The following IMMP2L variants were observed in gnomAD, a reference collection of about 807,000 sequenced individuals.
IMMP2L encodes inner mitochondrial membrane peptidase subunit 2.
IMMP2L carries 18 observed loss-of-function variants against 19.3 expected under a neutral mutation model. The observed-to-expected ratio is 0.93, with a 90% confidence interval of 0.64 to 1.38. The LOEUF is 1.38. IMMP2L is among the 40% of genes most tolerant of loss of function. The pLI is 0.00. For synonymous variants in IMMP2L, 76 were observed against 73.0 expected, an observed-to-expected ratio of 1.04 and a Z score of -0.21; for missense variants, 233 against 218.2, an observed-to-expected ratio of 1.07 and a Z score of -0.43.
At chr7:110,959,134 C>A (rs1319453167) in intron 4 of IMMP2L, among the ~76,000 whole-genome samples, 1 of 151,948 alleles carries the variant, frequency 6.6e-6, no homozygotes, top group Admixed American at 6.6e-5. Flanking sequence ...ACTACTGAAA[C>A]CTACAGTAAG....
At chr7:111,397,390 C>A (rs1832985587) in intron 3 of IMMP2L, among the ~76,000 whole-genome samples, 1 of 152,114 alleles carries the variant, frequency 6.6e-6, no homozygotes, top group African/African-American at 2.4e-5. Context: ...TGGACAGTTA[C>A]TACCATAATA....
intron 3 of IMMP2L, among the ~76,000 whole-genome samples, chr7:111,150,608 T>C (rs578117757): frequency 1.3e-4 from 20 of 152,290 alleles, no homozygotes; most frequent in African/African-American, 4.6e-4. Flanking sequence ...GAAGTGTGTT[T>C]TGTCCTTTGT....
At chr7:111,371,836 AAAAC>A (rs1384096757) in intron 3 of IMMP2L, among the ~76,000 whole-genome samples, 1 of 152,116 alleles carries the variant, frequency 6.6e-6, no homozygotes, top group African/African-American at 2.4e-5. Context: ...GAAGCAAAAC[AAAAC>A]AAACATACAA....
At chr7:111,017,183 T>C (rs1825793485) in intron 3 of IMMP2L, among the ~76,000 whole-genome samples, 1 of 150,672 alleles carries the variant, frequency 6.6e-6, no homozygotes, top group Non-Finnish European at 1.5e-5. Context: ...TCCTCCTGCC[T>C]CAGCTGCCTG....
chr7:110,825,278 T>C (rs1429960355), intron 5 of IMMP2L, among the ~76,000 whole-genome samples: 1 of 152,224 alleles, frequency 6.6e-6, no homozygotes, highest in East Asian at 1.9e-4. Flanking sequence ...AATTTATAGA[T>C]TCCATGCCAT....
intron 1 of IMMP2L, among the ~76,000 whole-genome samples, chr7:111,539,195 GGA>G (rs879323361): frequency 0.3 from 6,820 of 22,506 alleles, 1,078 homozygotes; most frequent in Admixed American, 0.34. Context: ...AAGGAAGGAG[GGA>G]GAAAGAAAGA....
At chr7:110,686,589 G>A (rs1009218068) in intron 5 of IMMP2L, among the ~76,000 whole-genome samples, 4 of 151,852 alleles carry the variant, frequency 2.6e-5, no homozygotes, top group Non-Finnish European at 1.5e-5. Flanking sequence ...CTGGTGTCTC[G>A]ATTTTGGGAT....
intron 5 of IMMP2L, among the ~76,000 whole-genome samples, chr7:110,853,438 C>T (rs765573454): frequency 2.0e-5 from 3 of 151,932 alleles, no homozygotes; most frequent in Non-Finnish European, 4.4e-5. Flanking sequence ...GCACTGAGCG[C>T]GTATGTCGTG....
At chr7:111,469,916 C>G (rs1469859617) in intron 3 of IMMP2L, among the ~76,000 whole-genome samples, 1 of 152,072 alleles carries the variant, frequency 6.6e-6, no homozygotes. Flanking sequence ...GCAAAAGAAA[C>G]TACCATCAGA....
rs1431256994 is a variant in IMMP2L, at chr7:111,065,685, G to A, written c.240-102120C>T. On this transcript the variant is annotated intron_variant, in intron 3 of 5. Coordinates refer to ENST00000405709, the MANE Select transcript of IMMP2L (RefSeq NM_032549.4). ...CCAGCCTACATCTTTCTCCTGTGCT[G>A]GATGCTTCCTGTTCTCGAACATCGG... Among the ~76,000 whole-genome samples, 8 of 152,148 alleles carry A rather than the reference G, an allele frequency of 5.3e-5. 1 individual carries two copies. The highest frequency in any genetic ancestry group is 3.9e-4 in the Admixed American group (6 of 15,280).
intron 5 of IMMP2L, among the ~76,000 whole-genome samples, chr7:110,874,323 T>C (rs1328433969): frequency 1.3e-5 from 2 of 152,040 alleles, no homozygotes; most frequent in African/African-American, 4.8e-5. Flanking sequence ...TATACACAAG[T>C]ATATCCTACT....
At chr7:110,726,815 T>G (rs566120327) in intron 5 of IMMP2L, among the ~76,000 whole-genome samples, 14 of 152,292 alleles carry the variant, frequency 9.2e-5, no homozygotes, top group African/African-American at 3.1e-4. Flanking sequence ...AAGAGAAATT[T>G]GCTGAGTGGG....
intron 3 of IMMP2L, among the ~76,000 whole-genome samples, chr7:111,088,482 G>A (rs1796544661): frequency 6.6e-6 from 1 of 151,944 alleles, no homozygotes; most frequent in African/African-American, 2.4e-5. Flanking sequence ...AGGAGGGAGA[G>A]TAAGAAGAAG....
intron 3 of IMMP2L, among the ~76,000 whole-genome samples, chr7:111,415,471 T>G (rs978245587): frequency 5.3e-5 from 8 of 151,876 alleles, no homozygotes; most frequent in Non-Finnish European, 1.0e-4. Context: ...CCACTAAGTT[T>G]GTGGCTTATT....
intron 3 of IMMP2L, among the ~76,000 whole-genome samples, chr7:111,203,301 C>A (rs2129616179): frequency 6.6e-6 from 1 of 151,216 alleles, no homozygotes; most frequent in East Asian, 1.9e-4. Context: ...CAGCAAAAAA[C>A]AAAACAGATA....
At chr7:111,076,420 C>T (rs1160245586) in intron 3 of IMMP2L, among the ~76,000 whole-genome samples, 3 of 152,078 alleles carry the variant, frequency 2.0e-5, no homozygotes. Flanking sequence ...GGTTGATTGC[C>T]TTAATGTGGG....
chr7:111,164,886 C>A (rs1263071021), intron 3 of IMMP2L, among the ~76,000 whole-genome samples: 2 of 151,616 alleles, frequency 1.3e-5, no homozygotes, highest in East Asian at 3.9e-4. Flanking sequence ...TTCTTTTTTT[C>A]TAATTATTTT....
At chr7:110,876,225 G>C (rs763605575) in intron 5 of IMMP2L, among the ~76,000 whole-genome samples, 1 of 152,066 alleles carries the variant, frequency 6.6e-6, no homozygotes, top group Non-Finnish European at 1.5e-5. Flanking sequence ...GCCCTTCTAT[G>C]TTTCCTTCTT....
At chr7:110,959,008 A>G in intron 4 of IMMP2L, among the ~76,000 whole-genome samples, 1 of 151,948 alleles carries the variant, frequency 6.6e-6, no homozygotes, top group East Asian at 1.9e-4. Context: ...GTGCTCTTTA[A>G]GCTATATTTC....
Sources: allele counts gnomAD v4.1 joint callset (sites outside exome capture counted in the v4.1 genomes callset), GRCh38; gene constraint gnomAD v4.1.1; transcripts MANE v1.5; gene names NCBI Gene and HGNC (gene_info 2026-07-23, HGNC 2026-07-21).